Variants in RBFOX3 observed in about 807,000 individuals in gnomAD.
The protein encoded by RBFOX3 is RNA binding protein fox-1 homolog 3.
RBFOX3 carries 17 observed loss-of-function variants against 48.7 expected under a neutral mutation model. The observed-to-expected ratio is 0.35, with a 90% CI of 0.24 to 0.52. The LOEUF is 0.52. Among genes scored for constraint, RBFOX3 ranks in the 20% least tolerant of loss-of-function variants. The pLI is 0.94. For missense variants in RBFOX3, 382 were observed against 497.5 expected (o/e 0.77, Z 2.21); for synonymous variants, 212 against 209.5 (o/e 1.01, Z -0.10).
chr17:79,234,553 C>T (rs1359736072), intron 4 of RBFOX3: 1 of 152,166 alleles, frequency 6.6e-6, no homozygotes, highest in Admixed American at 6.6e-5. Flanking sequence ...CACCCAAAAC[C>T]CAGGACCTAG....
chr17:79,642,856 G>A, the RBFOX3 span, among the ~76,000 whole-genome samples: 8 of 152,186 alleles, frequency 5.3e-5, no homozygotes, highest in Admixed American at 4.6e-4. Flanking sequence ...GTTAAAAGGT[G>A]GAGGTTATCA....
At chr17:79,440,445 G>T (rs932648273) in intron 2 of RBFOX3, among the ~76,000 whole-genome samples, 35 of 152,236 alleles carry the variant, frequency 2.3e-4, no homozygotes, top group South Asian at 6.2e-4. Flanking sequence ...TGCCAGCTGG[G>T]GCTCCATTGG....
chr17:79,542,389 C>T (rs540259754), intron 1 of RBFOX3, among the ~76,000 whole-genome samples: 1 of 152,294 alleles, frequency 6.6e-6, no homozygotes, highest in East Asian at 1.9e-4. Context: ...TCCCTAGTCC[C>T]TAGATGAGGA....
At chr17:79,465,055 C>T (rs1258551528) in intron 2 of RBFOX3, among the ~76,000 whole-genome samples, 8 of 152,206 alleles carry the variant, frequency 5.3e-5, no homozygotes, top group Admixed American at 3.9e-4. Flanking sequence ...CTTCCGAAGG[C>T]GAGGTGGAAG....
intron 1 of RBFOX3, among the ~76,000 whole-genome samples, chr17:79,573,100 G>T (rs2092734451): frequency 6.6e-6 from 1 of 152,182 alleles, no homozygotes. Context: ...CACCTTTCCT[G>T]CTTATGCCTC....
intron 1 of RBFOX3, among the ~76,000 whole-genome samples, chr17:79,573,569 C>T (rs933862447): frequency 6.6e-6 from 1 of 152,220 alleles, no homozygotes; most frequent in Non-Finnish European, 1.5e-5. Context: ...ACGGGAAGAA[C>T]AGGCACCTGT....
intron 4 of RBFOX3, among the ~76,000 whole-genome samples, chr17:79,209,331 A>G (rs2058028763): frequency 6.6e-6 from 1 of 152,180 alleles, no homozygotes; most frequent in South Asian, 2.1e-4. Flanking sequence ...CTATTAATGC[A>G]CAGCTCCGGG....
rs1491568643 is a variant in RBFOX3 at position 79,255,215 on chromosome 17, A to ATGTGTGTGTGTG, written c.-73-19411_-73-19410insCACACACACACA. The stretch of plus-strand genomic sequence containing the variant: ...GGGAGCTGAGTGGCCCTGTGGTCAC[A>ATGTGTGTGTGTG]TGTGTGCGTGTGTGTGTGTGTGTGT... On this transcript the variant is annotated intron_variant, in intron 3 of 14. Coordinates refer to ENST00000693108, the MANE Select transcript of RBFOX3 (RefSeq NM_001350451.2). 1.5e-3 allele frequency among the ~76,000 whole-genome samples: 189 copies of ATGTGTGTGTGTG among 128,798 alleles called. 1 individual carries two copies. The highest frequency in any genetic ancestry group is 2.0e-3 in the Non-Finnish European group (121 of 61,448). The allele number at this position is 128,798 out of a possible 152,430, so 84.5% of individuals were successfully genotyped here. A position where few individuals can be genotyped will look rare whatever the true frequency, so the allele number is the denominator to read the frequency against.
At chr17:79,496,373 C>T (rs2081541078) in intron 1 of RBFOX3, among the ~76,000 whole-genome samples, 2 of 152,136 alleles carry the variant, frequency 1.3e-5, no homozygotes, top group Non-Finnish European at 2.9e-5. Context: ...TTTAATGCTC[C>T]TGTCCTGGGG....
intron 1 of RBFOX3, among the ~76,000 whole-genome samples, chr17:79,554,945 C>G (rs1321453988): frequency 1.3e-5 from 2 of 152,108 alleles, no homozygotes; most frequent in Non-Finnish European, 2.9e-5. Flanking sequence ...AGAACTCAGC[C>G]TCATGAACAG....
intron 3 of RBFOX3, among the ~76,000 whole-genome samples, chr17:79,268,903 C>T (rs1391330026): frequency 6.6e-6 from 1 of 152,260 alleles, no homozygotes; most frequent in Non-Finnish European, 1.5e-5. Context: ...CCTGAAACGT[C>T]TCCCTCTCAC....
At chr17:79,622,832 C>T in the RBFOX3 span, among the ~76,000 whole-genome samples, 1 of 152,184 alleles carries the variant, frequency 6.6e-6, no homozygotes, top group Non-Finnish European at 1.5e-5. Flanking sequence ...CCATGATATA[C>T]CTGTTTCTTC....
At chr17:79,189,498 A>G (rs1194130304) in intron 4 of RBFOX3, among the ~76,000 whole-genome samples, 1 of 152,232 alleles carries the variant, frequency 6.6e-6, no homozygotes, top group African/African-American at 2.4e-5. Flanking sequence ...GTCATTTGCA[A>G]TAGCTTGGGC....
At chr17:79,264,808 C>T (rs1394698131) in intron 3 of RBFOX3, among the ~76,000 whole-genome samples, 2 of 152,130 alleles carry the variant, frequency 1.3e-5, no homozygotes, top group African/African-American at 4.8e-5. Flanking sequence ...CGAACCGGGC[C>T]TCGACTTCCC....
chr17:79,544,975 C>CAAAA (rs10584963), intron 1 of RBFOX3, among the ~76,000 whole-genome samples: 22 of 81,576 alleles, frequency 2.7e-4, no homozygotes, highest in East Asian at 1.4e-3. Flanking sequence ...TCATTAAGGG[C>CAAAA]AAAAAAAAAA....
intron 2 of RBFOX3, among the ~76,000 whole-genome samples, chr17:79,376,085 G>A (rs373626873): frequency 2.0e-5 from 3 of 152,272 alleles, no homozygotes; most frequent in African/African-American, 7.2e-5. Context: ...GAGTCTGAAT[G>A]CCCCAGAGCC....
intron 1 of RBFOX3, among the ~76,000 whole-genome samples, chr17:79,511,787 A>C (rs2084268365): frequency 6.6e-6 from 1 of 150,702 alleles, no homozygotes; most frequent in African/African-American, 2.5e-5. Context: ...ACATGTTACC[A>C]TCGGGTACAG....
chr17:79,112,471 G>T (rs2032100163), intron 5 of RBFOX3, among the ~76,000 whole-genome samples: 1 of 152,198 alleles, frequency 6.6e-6, no homozygotes, highest in African/African-American at 2.4e-5. Context: ...ATTCCAGGAA[G>T]GCCTTTCCGG....
At chr17:79,132,347 G>A (rs1024927592) in intron 4 of RBFOX3, among the ~76,000 whole-genome samples, 4 of 152,144 alleles carry the variant, frequency 2.6e-5, no homozygotes, top group African/African-American at 7.2e-5. Flanking sequence ...TGAGCGACGC[G>A]GGCCAATCAC....
Sources: allele counts gnomAD v4.1 joint callset (sites outside exome capture counted in the v4.1 genomes callset), GRCh38; gene constraint gnomAD v4.1.1; transcripts MANE v1.5; gene names NCBI Gene and HGNC (gene_info 2026-07-23, HGNC 2026-07-21).